PAK4: variants seen among roughly 807,000 people sequenced by gnomAD.
PAK4 encodes p21 (RAC1) activated kinase 4.
A neutral mutation model predicts 53.5 loss-of-function variants in PAK4; 49 were observed. That is an observed-to-expected ratio of 0.92 (90% CI 0.73 to 1.16). The LOEUF (loss-of-function observed/expected upper bound fraction) is 1.16. Among genes scored for constraint, PAK4 ranks in the 50% most tolerant of loss-of-function variants. The probability of loss-of-function intolerance (pLI) is 0.00; values close to 1 mark genes in which losing one functional copy is unlikely to be tolerated. For missense variants in PAK4, 824 were observed against 850.7 expected (o/e 0.97, Z 0.39); for synonymous variants, 376 against 375.6 (o/e 1.00, Z -0.01).
At chr19:39,167,144 C>T (rs1235556781) in intron 1 of PAK4, among the ~76,000 whole-genome samples, 1 of 152,234 alleles carries the variant, frequency 6.6e-6, no homozygotes, top group Non-Finnish European at 1.5e-5. Context: ...CCGCTGTCCG[C>T]CCTCCGGGCT....
chr19:39,154,805 C>T (rs1292096189), intron 1 of PAK4, among the ~76,000 whole-genome samples: 1 of 147,724 alleles, frequency 6.8e-6, no homozygotes, highest in Admixed American at 6.7e-5. Context: ...TGCCCCACCC[C>T]CCACCCCATG....
intron 1 of PAK4, among the ~76,000 whole-genome samples, chr19:39,155,168 C>A (rs1456409340): frequency 6.6e-6 from 1 of 152,250 alleles, no homozygotes; most frequent in Non-Finnish European, 1.5e-5. Context: ...GTCCGGGCAC[C>A]CAGCAGCCTT....
intron 1 of PAK4, among the ~76,000 whole-genome samples, chr19:39,136,974 G>A (rs118025559): frequency 0.012 from 1,757 of 152,254 alleles, 14 homozygotes; most frequent in Middle Eastern, 0.027. Context: ...AGGAATTGAA[G>A]GAAGACAGGT....
At chr19:39,141,073 T>C (rs1774836954) in intron 1 of PAK4, among the ~76,000 whole-genome samples, 1 of 152,212 alleles carries the variant, frequency 6.6e-6, no homozygotes, top group Non-Finnish European at 1.5e-5. Context: ...TTTGGTAAAA[T>C]GTTGAACACC....
intron 1 of PAK4, among the ~76,000 whole-genome samples, chr19:39,157,087 G>T (rs577198316): frequency 4.6e-5 from 7 of 152,244 alleles, no homozygotes; most frequent in Middle Eastern, 3.4e-3. Context: ...ACGCTCCTGG[G>T]GTCTGGCTTG....
chr19:39,159,344 A>G lies in PAK4; in HGVS notation c.-22-10188A>G, dbSNP rs754184151. ...AATTAAGGACTATAAGGACAAAGGT[A>G]AAATTACAGCTGTGACAGATGCTGT... On this transcript the variant is annotated intron_variant, in intron 1 of 8. Coordinates refer to ENST00000358301, the Ensembl canonical transcript of PAK4. Among the ~76,000 whole-genome samples, 5 of 152,190 alleles carry G rather than the reference A, an allele frequency of 3.3e-5. 1 individual carries two copies. The South Asian group carries it at 8.3e-4, about 25-fold the overall frequency.
At chr19:39,169,489 C>A in intron 1 of PAK4, 43 bp from the exon 3 acceptor site, 1 of 1,383,272 alleles carries the variant, frequency 7.2e-7, no homozygotes, top group South Asian at 1.2e-5. Context: ...GAGGAAGAGA[C>A]ATGGGCAGGC....
exon 7 of PAK4, chr19:39,176,714 A>G (rs775346914): frequency 2.5e-6 from 4 of 1,608,802 alleles, no homozygotes; most frequent in Non-Finnish European, 3.4e-6. Flanking sequence ...TACGGGCCAG[A>G]GGTGAGCCCC....
rs1045639337 is a variant in PAK4, at chr19:39,173,410, C to G, written c.663+34C>G. The G allele has an allele frequency of 5.5e-6, 8 of 1,462,850 alleles. No individual in the cohort carries two copies. The East Asian group carries it at 1.9e-4, about 35-fold the overall frequency. The allele number at this position is 1,462,850 out of a possible 1,614,324, so 90.6% of individuals were successfully genotyped here. Reference sequence around the variant, plus strand: ...TCCCCCGCCCCAGGGCCCCCACTGTCCCCTGCCCGTTGCTCCTCTGTCCCC... The same window carrying G: ...TCCCCCGCCCCAGGGCCCCCACTGTGCCCTGCCCGTTGCTCCTCTGTCCCC... On this transcript the variant is annotated intron_variant, in intron 3 of 8. Transcript: ENST00000358301. The surrounding 1 kb of genome is among the most constrained non-coding windows in gnomAD (Gnocchi z 6.9).
intron 1 of PAK4, among the ~76,000 whole-genome samples, chr19:39,133,680 G>A (rs1418573617): frequency 6.6e-6 from 1 of 152,160 alleles, no homozygotes; most frequent in Non-Finnish European, 1.5e-5. Context: ...TTGAGGGTTG[G>A]GAGCACCGGG....
rs1197263264 is a variant in PAK4, at chr19:39,173,669, G to A, written c.757G>A (p.Ala253Thr). 6.3e-7 allele frequency: 1 copy of A among 1,584,334 alleles called. No homozygotes were observed. Among genetic ancestry groups the A allele is most frequent in the Non-Finnish European group, 8.6e-7 (1 of 1,163,668 alleles). ...CTCCTCCTCCCGGCCTCCCACCCGA[G>A]CCCGAGGTGCCCCCAGCCCTGGAGT... Residue 253 changes from alanine to threonine, a missense_variant, in exon 4 of 9, where the codon GCC (alanine) becomes ACC (threonine). By Grantham distance (58) the Ala-to-Thr change is moderately conservative (BLOSUM62 0). Around this residue, in one of 2 missense-constraint regions of PAK4, gnomAD observed 478 missense variants for 435.8 expected, o/e 1.10. Coordinates refer to ENST00000358301, the Ensembl canonical transcript of PAK4. This position sits in a 1 kb window ranked among gnomAD's most constrained non-coding sequence, Gnocchi z 6.9.
chr19:39,126,592 C>G (rs2073587540), intron 1 of PAK4, among the ~76,000 whole-genome samples: 1 of 151,988 alleles, frequency 6.6e-6, no homozygotes, highest in Non-Finnish European at 1.5e-5. Context: ...TTATTCAGTC[C>G]TCACTATAGT....
chr19:39,142,915 T>C (rs1261506205), intron 1 of PAK4, among the ~76,000 whole-genome samples: 7 of 152,254 alleles, frequency 4.6e-5, no homozygotes, highest in Admixed American at 1.3e-4. Flanking sequence ...ATAAACCTCC[T>C]TGACCTCAGC....
At chr19:39,144,734 G>C (rs1224827411) in intron 1 of PAK4, among the ~76,000 whole-genome samples, 1 of 152,196 alleles carries the variant, frequency 6.6e-6, no homozygotes, top group Non-Finnish European at 1.5e-5. Context: ...ATGCTGCTGT[G>C]GTTATGGTGG....
At chr19:39,159,416 C>G (rs567878153) in intron 1 of PAK4, among the ~76,000 whole-genome samples, 3 of 152,252 alleles carry the variant, frequency 2.0e-5, no homozygotes, top group East Asian at 1.9e-4. Flanking sequence ...GACAGAGTCT[C>G]ACTCTGTCGC....
Position 39,173,637 on chromosome 19 carries a change from C to T in PAK4, c.725C>T (p.Ser242Phe), listed in dbSNP as rs747718559. The T allele has an allele frequency of 6.6e-7, 1 of 1,509,140 alleles. No individual in the cohort carries two copies. Among genetic ancestry groups the T allele is most frequent in the Non-Finnish European group, 8.9e-7 (1 of 1,118,208 alleles). The allele number at this position is 1,509,140 out of a possible 1,614,324, so 93.5% of individuals were successfully genotyped here. A position where few individuals can be genotyped will look rare whatever the true frequency, so the allele number is the denominator to read the frequency against. ...GCGGGGGGCCTGGCCATCCCCCAGT[C>T]CTCCTCCTCCTCCTCCCGGCCTCCC... The change falls in exon 4 of 9, where the codon TCC becomes TTC. Residue 242 changes from serine to phenylalanine, a missense_variant. Transcript: ENST00000358301. This position sits in a 1 kb window ranked among gnomAD's most constrained non-coding sequence, Gnocchi z 6.9.
chr19:39,153,518 T>G (rs1229999732), intron 1 of PAK4, among the ~76,000 whole-genome samples: 1 of 152,224 alleles, frequency 6.6e-6, no homozygotes, highest in Non-Finnish European at 1.5e-5. Flanking sequence ...CTCGGCTCAC[T>G]GCAACCTTCG....
At chr19:39,166,145 T>G (rs966440775) in intron 1 of PAK4, among the ~76,000 whole-genome samples, 17 of 152,224 alleles carry the variant, frequency 1.1e-4, no homozygotes, top group African/African-American at 3.9e-4. Context: ...TGCCCTCTGT[T>G]CTGCGTAATT....
intron 1 of PAK4, among the ~76,000 whole-genome samples, chr19:39,137,983 G>GTTT (rs74559237): frequency 3.1e-5 from 4 of 128,688 alleles, no homozygotes; most frequent in East Asian, 2.3e-4. Flanking sequence ...CATTCCTGAG[G>GTTT]TTTTTTTTTT....
Sources: gnomAD v4.1 joint callset for allele counts (sites outside exome capture counted in the v4.1 genomes callset) on GRCh38, gnomAD v4.1.1 for gene constraint, gnomAD v4.1.1 regional missense constraint, Gnocchi (gnomAD v3.1) non-coding constraint, MANE v1.5 for transcripts, NCBI Gene and HGNC (gene_info 2026-07-23, HGNC 2026-07-21) for gene names.